SLC20A2: variants seen among roughly 807,000 people sequenced by gnomAD.
SLC20A2 encodes solute carrier family 20 member 2.
In SLC20A2, 30 loss-of-function variants were observed where a neutral mutation model predicts 61.0. The observed-to-expected ratio is 0.49, with a 90% confidence interval of 0.37 to 0.67. The LOEUF is 0.67. Ranked by LOEUF, SLC20A2 falls within the 30% of genes least tolerant of loss-of-function variation. The pLI is 0.00. For synonymous variants in SLC20A2, 351 were observed against 353.3 expected (o/e 0.99, Z 0.07); for missense variants, 626 against 866.4 (o/e 0.72, Z 3.48).
At chr8:42,490,608 CA>C (rs901087481) in intron 1 of SLC20A2, among the ~76,000 whole-genome samples, 7 of 151,954 alleles carry the variant, frequency 4.6e-5, no homozygotes, top group African/African-American at 1.2e-4. Flanking sequence ...AAAACAAAAA[CA>C]AAAAAACCCC....
intron 2 of SLC20A2, among the ~76,000 whole-genome samples, chr8:42,469,325 A>G (rs896820534): frequency 3.9e-5 from 6 of 152,120 alleles, no homozygotes; most frequent in African/African-American, 1.4e-4. Flanking sequence ...ATTTAACCAC[A>G]TACCAAAAAA....
At position 42,463,133 on chromosome 8, in the gene SLC20A2, T is replaced by C. The variant is rs1183563871; in HGVS notation, c.431-43A>G. 5 of 1,147,420 alleles carry C rather than the reference T, an allele frequency of 4.4e-6. No individual in the cohort carries two copies. In the African/African-American group the frequency reaches 7.8e-5, roughly 18 times the overall value. The allele number at this position is 1,147,420 out of a possible 1,614,324, so 71.1% of individuals were successfully genotyped here. On this transcript the variant is annotated intron_variant, in intron 3 of 10. Coordinates refer to ENST00000520262, the MANE Select transcript of SLC20A2 (RefSeq NM_001257180.2). Reference sequence around the variant, plus strand: ...AAATCTAATGAATGTTAAAATTCATTCATAATTATGGTCCTATTCATAGAA... The same window carrying C: ...AAATCTAATGAATGTTAAAATTCATCCATAATTATGGTCCTATTCATAGAA...
At chr8:42,432,523 G>A (rs1227249782) in intron 8 of SLC20A2, among the ~76,000 whole-genome samples, 1 of 152,252 alleles carries the variant, frequency 6.6e-6, no homozygotes, top group Non-Finnish European at 1.5e-5. Flanking sequence ...GAGGCTGGGT[G>A]TGAGGGGATT....
chr8:42,453,335 A>C (rs557309788), intron 5 of SLC20A2, among the ~76,000 whole-genome samples: 1 of 152,348 alleles, frequency 6.6e-6, no homozygotes, highest in South Asian at 2.1e-4. Context: ...TAAGAACAAA[A>C]ATGCAAAGAC....
intron 1 of SLC20A2, among the ~76,000 whole-genome samples, chr8:42,531,476 T>C (rs1042973846): frequency 6.6e-6 from 1 of 152,188 alleles, no homozygotes; most frequent in East Asian, 1.9e-4. Flanking sequence ...CTCACATCAG[T>C]CTACCTCCAG....
At chr8:42,436,126 A>T (rs1214847931) in intron 8 of SLC20A2, among the ~76,000 whole-genome samples, 2 of 151,682 alleles carry the variant, frequency 1.3e-5, no homozygotes, top group African/African-American at 4.9e-5. Flanking sequence ...AAAAAAAAAA[A>T]TTAAATCACC....
intron 8 of SLC20A2, among the ~76,000 whole-genome samples, chr8:42,435,333 G>A (rs900555741): frequency 1.3e-5 from 2 of 152,066 alleles, no homozygotes; most frequent in Admixed American, 6.6e-5. Context: ...AGACGACAAC[G>A]GCACAGTCCC....
intron 1 of SLC20A2, among the ~76,000 whole-genome samples, chr8:42,513,508 G>A (rs1359292533): frequency 6.6e-6 from 1 of 152,176 alleles, no homozygotes; most frequent in Non-Finnish European, 1.5e-5. Flanking sequence ...ATACAGGTAT[G>A]AAAAAGCAAT....
intron 1 of SLC20A2, among the ~76,000 whole-genome samples, chr8:42,496,911 A>G (rs1335889299): frequency 6.6e-6 from 1 of 152,160 alleles, no homozygotes; most frequent in Non-Finnish European, 1.5e-5. Flanking sequence ...CCCACCCCCC[A>G]TATGGGCTAC....
At chr8:42,505,413 G>A (rs561393039), upstream of SLC20A2, among the ~76,000 whole-genome samples, 5 of 152,130 alleles carry the variant, frequency 3.3e-5, no homozygotes, top group East Asian at 1.9e-4. Context: ...GATTACAGGC[G>A]TGAGCCACCA....
intron 1 of SLC20A2, among the ~76,000 whole-genome samples, chr8:42,487,296 G>A (rs1026881227): frequency 6.6e-6 from 1 of 150,576 alleles, no homozygotes; most frequent in Non-Finnish European, 1.5e-5. Flanking sequence ...TCCTGCCTCA[G>A]CCTCCCAAGT....
intron 1 of SLC20A2, among the ~76,000 whole-genome samples, chr8:42,488,180 C>CTTTT (rs35200743): frequency 2.2e-3 from 188 of 86,994 alleles, no homozygotes; most frequent in Middle Eastern, 0.01. Context: ...AATAATACTG[C>CTTTT]TTTTTTTTTT....
intron 1 of SLC20A2, among the ~76,000 whole-genome samples, chr8:42,533,584 C>T (rs889504250): frequency 4.0e-5 from 6 of 150,328 alleles, no homozygotes; most frequent in East Asian, 2.0e-4. Flanking sequence ...ACCGAGATTG[C>T]GTCGTCATCA....
chr8:42,451,704 AGAG>A (rs1284275630), intron 5 of SLC20A2, among the ~76,000 whole-genome samples: 12 of 120,420 alleles, frequency 1.0e-4, no homozygotes, highest in Non-Finnish European at 8.6e-5. Context: ...GAAGAGATGA[AGAG>A]GAGGAGGAGG....
intron 1 of SLC20A2, among the ~76,000 whole-genome samples, chr8:42,514,682 C>T (rs1455806575): frequency 2.0e-5 from 3 of 150,508 alleles, no homozygotes; most frequent in African/African-American, 7.3e-5. Context: ...TGCTTGAACT[C>T]AGGAGGTAGA....
chr8:42,435,900 T>G (rs112598512), intron 8 of SLC20A2, among the ~76,000 whole-genome samples: 5,213 of 152,134 alleles, frequency 0.034, 312 homozygotes, highest in African/African-American at 0.12. Context: ...GCGGATCACC[T>G]GAGGTCAGGA....
intron 10 of SLC20A2, among the ~76,000 whole-genome samples, chr8:42,425,681 G>T (rs1240396147): frequency 6.6e-6 from 1 of 152,176 alleles, no homozygotes; most frequent in Non-Finnish European, 1.5e-5. Context: ...CCCTGCTGCA[G>T]TCCCATTCAG....
intron 1 of SLC20A2, among the ~76,000 whole-genome samples, chr8:42,512,578 T>C (rs554177123): frequency 1.9e-4 from 29 of 152,306 alleles, no homozygotes; most frequent in African/African-American, 7.0e-4. Context: ...CTCGAACTCC[T>C]GACCTCAAGT....
At chr8:42,471,327 G>C in intron 2 of SLC20A2, 3 of 424,006 alleles carry the variant, frequency 7.1e-6, no homozygotes, top group Admixed American at 5.1e-5. Flanking sequence ...TGTCCGCTTA[G>C]GCCATGGGGA....
Sources: gnomAD v4.1 joint callset for allele counts (sites outside exome capture counted in the v4.1 genomes callset) on GRCh38, gnomAD v4.1.1 for gene constraint, MANE v1.5 for transcripts, NCBI Gene and HGNC (gene_info 2026-07-23, HGNC 2026-07-21) for gene names.